Variants in STXBP5 observed in about 807,000 individuals in gnomAD.
The protein encoded by STXBP5 is syntaxin binding protein 5, also known as syntaxin-binding protein 5.
In STXBP5, 50 loss-of-function variants were observed where a neutral mutation model predicts 152.4. The observed-to-expected ratio is 0.33, with a 90% CI of 0.26 to 0.42. The LOEUF (loss-of-function observed/expected upper bound fraction) is 0.42. Among genes scored for constraint, STXBP5 ranks in the 10% least tolerant of loss-of-function variants. The pLI, the probability that STXBP5 is intolerant of heterozygous loss-of-function variation, is 1.00. For missense variants in STXBP5, 1,167 were observed against 1,388.6 expected, an observed-to-expected ratio of 0.84 and a Z score of 2.54; for synonymous variants, 492 against 494.7, an observed-to-expected ratio of 0.99 and a Z score of 0.07.
intron 7 of STXBP5, among the ~76,000 whole-genome samples, chr6:147,271,328 T>G (rs1194326317): frequency 1.3e-5 from 2 of 152,018 alleles, no homozygotes; most frequent in Non-Finnish European, 2.9e-5. Flanking sequence ...ACCAAGTAGG[T>G]ATCAGAGTGT....
intron 19 of STXBP5, among the ~76,000 whole-genome samples, chr6:147,335,028 T>C (rs1783757449): frequency 6.6e-6 from 1 of 152,144 alleles, no homozygotes; most frequent in Non-Finnish European, 1.5e-5. Flanking sequence ...TTTTATTATA[T>C]CTAAGACTGC....
At chr6:147,210,012 G>A (rs1004764329) in intron 2 of STXBP5, among the ~76,000 whole-genome samples, 1 of 152,198 alleles carries the variant, frequency 6.6e-6, no homozygotes, top group African/African-American at 2.4e-5. Flanking sequence ...AGGAGATGCT[G>A]ACAGGAAGAA....
Position 147,339,159 on chromosome 6 carries a change from C to T in STXBP5, c.2147-20C>T, listed in dbSNP as rs529346961. ...TGACTGACCATCTACCTATTCCTTC[C>T]GTTGTCTTCATTTGTGTAGGTTCTT... On this transcript the variant is annotated intron_variant, in intron 19 of 27. Coordinates refer to ENST00000321680, the MANE Select transcript of STXBP5 (RefSeq NM_001127715.4). 249 of 1,528,654 alleles carry T rather than the reference C, an allele frequency of 1.6e-4. 2 individuals carry two copies. In the South Asian group the frequency reaches 2.2e-3, roughly 13 times the overall value. The allele number at this position is 1,528,654 out of a possible 1,614,324, so 94.7% of individuals were successfully genotyped here.
intron 7 of STXBP5, among the ~76,000 whole-genome samples, chr6:147,269,121 G>C (rs1223620140): frequency 6.6e-6 from 1 of 152,068 alleles, no homozygotes; most frequent in Non-Finnish European, 1.5e-5. Flanking sequence ...TTATTGCATG[G>C]GTATAAGGCT....
At chr6:147,303,193 T>G (rs892510431) in intron 9 of STXBP5, among the ~76,000 whole-genome samples, 1 of 152,168 alleles carries the variant, frequency 6.6e-6, no homozygotes, top group African/African-American at 2.4e-5. Context: ...CACCCACATC[T>G]CATCTTGAGT....
chr6:147,276,436 G>A (rs929252042), intron 7 of STXBP5, among the ~76,000 whole-genome samples: 1 of 151,860 alleles, frequency 6.6e-6, no homozygotes. Context: ...TTTATAAATA[G>A]GAGTCACTTT....
intron 23 of STXBP5, 141 bp from the exon 24 acceptor site, chr6:147,363,194 G>A (rs1008390197): frequency 3.7e-5 from 32 of 873,354 alleles, no homozygotes; most frequent in Middle Eastern, 3.5e-4. Context: ...CTTAAAGTCC[G>A]AATCCTGTCA....
At chr6:147,356,833 A>G (rs542761730) in intron 22 of STXBP5, among the ~76,000 whole-genome samples, 1 of 152,272 alleles carries the variant, frequency 6.6e-6, no homozygotes, top group South Asian at 2.1e-4. Flanking sequence ...TAGTTTTCAC[A>G]TTTTGAAGAG....
rs1222288457 is a variant in STXBP5 at position 147,339,205 on chromosome 6, G to T, written c.2173G>T (p.Asp725Tyr). 6.5e-7 allele frequency: 1 copy of T among 1,539,080 alleles called. No homozygotes were observed. Among genetic ancestry groups the T allele is most frequent in the East Asian group, 2.5e-5 (1 of 40,388 alleles). Residue 725 changes from aspartate (D) to tyrosine (Y), a missense_variant, in exon 20 of 28, where the codon GAT (aspartate) becomes TAT (tyrosine). Transcript: ENST00000321680. ...TTCTTCATCACCACACAATTCAGAT[G>T]ATGAACAAAAAATGAATAATTTTAT... is the stretch of plus-strand genomic sequence containing the variant. ...SGSSSPHNSD[D>Y]EQKMNNFIEK...
chr6:147,358,211 GAAAA>G, intron 22 of STXBP5, among the ~76,000 whole-genome samples: 1 of 142,768 alleles, frequency 7.0e-6, no homozygotes, highest in East Asian at 2.0e-4. Flanking sequence ...GGGCAAATCT[GAAAA>G]AAAAAAAGAT....
At chr6:147,301,546 T>G (rs1370368550) in intron 9 of STXBP5, among the ~76,000 whole-genome samples, 2 of 152,214 alleles carry the variant, frequency 1.3e-5, no homozygotes, top group African/African-American at 2.4e-5. Flanking sequence ...TAACCTTAAA[T>G]GGTTGATTTT....
intron 9 of STXBP5, among the ~76,000 whole-genome samples, chr6:147,295,445 TC>T (rs1258708250): frequency 6.6e-6 from 1 of 151,806 alleles, no homozygotes; most frequent in Non-Finnish European, 1.5e-5. Flanking sequence ...TTAATCACCA[TC>T]CCCCCCACAC....
intron 2 of STXBP5, among the ~76,000 whole-genome samples, chr6:147,211,415 C>T (rs1251842232): frequency 6.6e-6 from 1 of 151,516 alleles, no homozygotes; most frequent in Non-Finnish European, 1.5e-5. Context: ...ATGGTAAATG[C>T]TAAATTGATT....
At chr6:147,247,257 C>T (rs1352266693) in intron 4 of STXBP5, among the ~76,000 whole-genome samples, 4 of 152,120 alleles carry the variant, frequency 2.6e-5, no homozygotes, top group East Asian at 1.9e-4. Context: ...TATCAAAATT[C>T]GTTTCTTTGA....
At chr6:147,223,799 T>G (rs1174069705) in intron 2 of STXBP5, among the ~76,000 whole-genome samples, 2 of 152,190 alleles carry the variant, frequency 1.3e-5, no homozygotes, top group African/African-American at 4.8e-5. Flanking sequence ...AAATACTGGT[T>G]TAAGTGTTTG....
chr6:147,367,644 C>CA (rs1014990878), intron 25 of STXBP5, among the ~76,000 whole-genome samples: 5 of 150,860 alleles, frequency 3.3e-5, no homozygotes, highest in South Asian at 2.1e-4. Flanking sequence ...TCTCAAAAAA[C>CA]AAAAAAACAA....
At chr6:147,231,547 T>C (rs1040957471) in intron 2 of STXBP5, among the ~76,000 whole-genome samples, 4 of 152,030 alleles carry the variant, frequency 2.6e-5, no homozygotes, top group South Asian at 4.1e-4. Flanking sequence ...TTCAAAAGAA[T>C]ACATTGAAGT....
intron 16 of STXBP5, among the ~76,000 whole-genome samples, chr6:147,317,015 A>G (rs1349346186): frequency 6.6e-6 from 1 of 152,212 alleles, no homozygotes; most frequent in African/African-American, 2.4e-5. Context: ...AAAATCATTG[A>G]AAAAGTACAT....
chr6:147,224,599 G>A (rs1190606855), intron 2 of STXBP5, among the ~76,000 whole-genome samples: 1 of 152,162 alleles, frequency 6.6e-6, no homozygotes, highest in Non-Finnish European at 1.5e-5. Context: ...ATCATTTAAT[G>A]TATTTTCATT....
Sources: gnomAD v4.1 joint callset for allele counts (sites outside exome capture counted in the v4.1 genomes callset) on GRCh38, gnomAD v4.1.1 for gene constraint, MANE v1.5 for transcripts, NCBI Gene and HGNC (gene_info 2026-07-23, HGNC 2026-07-21) for gene names.